ALG6: variants seen among roughly 807,000 people sequenced by gnomAD.
ALG6 encodes the protein ALG6 alpha-1,3-glucosyltransferase, also known as dolichyl pyrophosphate Man9GlcNAc2 alpha-1,3-glucosyltransferase.
In ALG6, 46 loss-of-function variants were observed where a neutral mutation model predicts 66.6. That is an observed-to-expected ratio of 0.69 (90% CI 0.55 to 0.88). The LOEUF (loss-of-function observed/expected upper bound fraction) is 0.88, where lower values mean the gene tolerates loss of function less well. Among genes scored for constraint, ALG6 ranks in the 40% least tolerant of loss-of-function variants. The probability of loss-of-function intolerance (pLI) is 0.00; values close to 1 mark genes in which losing one functional copy is unlikely to be tolerated. For synonymous variants in ALG6, 185 were observed against 203.7 expected, an observed-to-expected ratio of 0.91 and a Z score of 0.78; for missense variants, 505 against 586.8, an observed-to-expected ratio of 0.86 and a Z score of 1.44.
chr1:63,388,721 A>G (rs1428045040), intron 2 of ALG6, among the ~76,000 whole-genome samples: 1 of 152,170 alleles, frequency 6.6e-6, no homozygotes, highest in African/African-American at 2.4e-5. Flanking sequence ...TTTCTGGTTG[A>G]AGAACTCCCT....
intron 2 of ALG6, among the ~76,000 whole-genome samples, chr1:63,388,209 G>A (rs1174808265): frequency 2.0e-5 from 3 of 151,950 alleles, no homozygotes; most frequent in Non-Finnish European, 2.9e-5. Flanking sequence ...ATGAGCCACC[G>A]CGCCTGGCCT....
At chr1:63,400,325 A>ATATATATATATACGTATATATATATG (rs1644455719) in intron 3 of ALG6, among the ~76,000 whole-genome samples, 1 of 25,680 alleles carries the variant, frequency 3.9e-5, no homozygotes, top group Non-Finnish European at 5.8e-5. Context: ...ATATACGTAT[A>ATATATATATATACGTATATATATATG]TATATATATA....
Position 63,382,646 on chromosome 1 carries a change from TTTTTGTTTG to T in ALG6, c.82+11592_82+11600del, listed in dbSNP as rs1200036523. Among the ~76,000 whole-genome samples, 136 of 22,212 alleles carry T rather than the reference TTTTTGTTTG, an allele frequency of 6.1e-3. 1 individual carries two copies. The South Asian group carries it at 0.19, about 32-fold the overall frequency. The allele number at this position is 22,212 out of a possible 152,430, so 14.6% of individuals were successfully genotyped here. A position where few individuals can be genotyped will look rare whatever the true frequency, so the allele number is the denominator to read the frequency against. On this transcript the variant is annotated intron_variant, in intron 2 of 14. Coordinates refer to ENST00000263440, the MANE Select transcript of ALG6 (RefSeq NM_013339.4). ...GTGCCACCATGCCTGGCTAAGTTTT[TTTTTGTTTG>T]TTTTTTTTTGTTTTTTTTTTTTTGT...
At chr1:63,389,882 G>C (rs1293590844) in intron 2 of ALG6, among the ~76,000 whole-genome samples, 1 of 152,172 alleles carries the variant, frequency 6.6e-6, no homozygotes, top group Non-Finnish European at 1.5e-5. Context: ...GAATTCTTTG[G>C]ATTACCAGAC....
At chr1:63,396,647 T>G in intron 3 of ALG6, 50 bp downstream of exon 3, 1 of 1,490,532 alleles carries the variant, frequency 6.7e-7, no homozygotes, top group Non-Finnish European at 9.4e-7. Flanking sequence ...TAATACAGAT[T>G]GTTTGAAAAT....
At chr1:63,372,355 A>G (rs545685320) in intron 2 of ALG6, among the ~76,000 whole-genome samples, 2 of 152,186 alleles carry the variant, frequency 1.3e-5, no homozygotes, top group African/African-American at 2.4e-5. Context: ...GCTATGATAT[A>G]TACACAGACA....
intron 12 of ALG6, among the ~76,000 whole-genome samples, chr1:63,426,258 G>A (rs562898410): frequency 4.6e-5 from 7 of 152,204 alleles, no homozygotes; most frequent in Middle Eastern, 3.4e-3. Context: ...GGGAGAACTG[G>A]TAGGAAAGTA....
intron 7 of ALG6, among the ~76,000 whole-genome samples, chr1:63,407,976 A>T (rs1239333202): frequency 2.6e-5 from 4 of 152,158 alleles, no homozygotes; most frequent in East Asian, 1.9e-4. Flanking sequence ...TAATATCAAG[A>T]ACAGTGATAG....
rs1249970841 is a variant in ALG6 at position 63,413,733 on chromosome 1, A to G, written c.817-328A>G. ...TAATATGTATTCTATAAATTGTAGAAAAAACATTTCTTAGAAAAATTTCCA... is the reference window on the plus strand; with the variant it reads ...TAATATGTATTCTATAAATTGTAGAGAAAACATTTCTTAGAAAAATTTCCA... On this transcript the variant is annotated intron_variant, in intron 9 of 14. Transcript: ENST00000263440. The G allele has an allele frequency of 1.4e-5, 3 of 210,128 alleles. No homozygotes were observed. The East Asian group carries it at 3.3e-4, about 23-fold the overall frequency. The allele number at this position is 210,128 out of a possible 1,614,324, so 13.0% of individuals were successfully genotyped here. A position where few individuals can be genotyped will look rare whatever the true frequency, so the allele number is the denominator to read the frequency against.
intron 2 of ALG6, chr1:63,371,357 G>A (rs1012486106): frequency 2.7e-5 from 10 of 374,302 alleles, no homozygotes; most frequent in Non-Finnish European, 5.0e-5. Context: ...CACTTCAAGG[G>A]AGGGGTGGAG....
At chr1:63,415,801 A>G in intron 10 of ALG6, 72 bp from the exon 11 acceptor site, 1 of 898,106 alleles carries the variant, frequency 1.1e-6, no homozygotes, top group Non-Finnish European at 1.7e-6. Flanking sequence ...TATTTAAAAA[A>G]TATTTCCTTA....
intron 2 of ALG6, among the ~76,000 whole-genome samples, chr1:63,391,338 A>G (rs867529134): frequency 2.2e-4 from 33 of 152,344 alleles, no homozygotes; most frequent in Middle Eastern, 3.4e-3. Context: ...GTGTTTTTAT[A>G]CTAACTTTGA....
intron 3 of ALG6, among the ~76,000 whole-genome samples, chr1:63,400,264 T>C (rs1221427616): frequency 0.15 from 261 of 1,724 alleles, 88 homozygotes; most frequent in African/African-American, 0.34. Context: ...TGTATATATA[T>C]ATACGTATAT....
intron 2 of ALG6, among the ~76,000 whole-genome samples, chr1:63,375,111 G>C (rs1648076745): frequency 1.3e-5 from 2 of 152,066 alleles, no homozygotes; most frequent in South Asian, 4.1e-4. Context: ...TGAGGTGGGT[G>C]GATTGCTTGA....
At chr1:63,395,311 G>C (rs1348490575) in intron 2 of ALG6, among the ~76,000 whole-genome samples, 1 of 152,158 alleles carries the variant, frequency 6.6e-6, no homozygotes, top group South Asian at 2.1e-4. Flanking sequence ...CAACTTATTT[G>C]ACAGCAAAGC....
intron 2 of ALG6, among the ~76,000 whole-genome samples, chr1:63,386,948 T>C (rs2100395475): frequency 6.6e-6 from 1 of 152,300 alleles, no homozygotes; most frequent in East Asian, 1.9e-4. Context: ...CTCTTAGTAC[T>C]ACTTTCATGT....
chr1:63,388,612 C>A (rs975412289), intron 2 of ALG6, among the ~76,000 whole-genome samples: 1 of 152,140 alleles, frequency 6.6e-6, no homozygotes, highest in Non-Finnish European at 1.5e-5. Context: ...GGGTAGTTTA[C>A]AAACCTTAAT....
chr1:63,412,065 T>C lies in ALG6; in HGVS notation c.816+4T>C, dbSNP rs762931650. Reference sequence around the variant, plus strand: ...GGTTGATCGTGGATTATTTGAGGCATGTTTAAACACTTTCCTCTCCTTTCT... The same window carrying C: ...GGTTGATCGTGGATTATTTGAGGCACGTTTAAACACTTTCCTCTCCTTTCT... On this transcript the variant is annotated splice_donor_region_variant and intron_variant, in intron 9 of 14. Transcript: ENST00000263440. 3.1e-6 allele frequency: 5 copies of C among 1,613,962 alleles called. No individual in the cohort carries two copies. In the East Asian group the frequency reaches 6.7e-5, roughly 22 times the overall value.
intron 10 of ALG6, 80 bp downstream of exon 10, chr1:63,414,226 A>T: frequency 9.2e-7 from 1 of 1,081,866 alleles, no homozygotes; most frequent in Non-Finnish European, 1.4e-6. Flanking sequence ...TTTATTTGGC[A>T]TCATTAGGGA....
Sources: allele counts gnomAD v4.1 joint callset (sites outside exome capture counted in the v4.1 genomes callset), GRCh38; gene constraint gnomAD v4.1.1; transcripts MANE v1.5; gene names NCBI Gene and HGNC (gene_info 2026-07-23, HGNC 2026-07-21).